Variants in NADSYN1 observed in about 807,000 individuals in gnomAD.
The protein encoded by NADSYN1 is glutamine-dependent NAD(+) synthetase.
In NADSYN1, 80 loss-of-function variants were observed where a neutral mutation model predicts 99.3. The ratio of observed to expected loss-of-function variants is 0.81; its 90% confidence interval spans 0.67 to 0.97. NADSYN1 has a LOEUF of 0.97. Ranked by LOEUF, NADSYN1 falls within the 50% of genes least tolerant of loss-of-function variation. The probability of loss-of-function intolerance (pLI) is 0.00; values close to 1 mark genes in which losing one functional copy is unlikely to be tolerated. For missense variants in NADSYN1, 859 were observed against 948.5 expected (o/e 0.91, Z 1.24); for synonymous variants, 385 against 372.1 (o/e 1.03, Z -0.40).
In NADSYN1 at chr11:71,472,493, C is replaced by G; in HGVS notation, c.452C>G (p.Thr151Arg). ...YFLPRMIQDL[T>R]KQETVPFGDA... is the part of the protein sequence containing the mutation. Reference sequence around the variant, plus strand: ...CTGCCTCGGATGATACAGGACCTGACAAAGCAGGTGAGTCCCTGGGTGTGG... The same window carrying G: ...CTGCCTCGGATGATACAGGACCTGAGAAAGCAGGTGAGTCCCTGGGTGTGG... Residue 151 changes from threonine (T) to arginine (R), a missense_variant, in exon 6 of 21, where the codon ACA becomes AGA. Physicochemically the swap from Thr to Arg is moderately conservative, Grantham distance 71. Transcript: ENST00000319023. The G allele has an allele frequency of 6.2e-7, 1 of 1,613,640 alleles. No individual in the cohort carries two copies. The highest frequency in any genetic ancestry group is 8.5e-7 in the Non-Finnish European group (1 of 1,179,536).
intron 10 of NADSYN1, 67 bp from the exon 11 acceptor site, chr11:71,480,672 AGTCCTGCTTGTCTGTC>A: frequency 1.3e-6 from 2 of 1,594,732 alleles, no homozygotes; most frequent in Non-Finnish European, 1.7e-6. Context: ...TGGCTGATGG[AGTCCTGCTTGTCTGTC>A]GGTCCTGGGG....
In NADSYN1 at chr11:71,491,831, C is replaced by T. The variant is rs1208647093; in HGVS notation, c.1695-3C>T. 1.2e-6 allele frequency: 2 copies of T among 1,613,886 alleles called. No homozygotes were observed. Among genetic ancestry groups the T allele is most frequent in the South Asian group, 1.1e-5 (1 of 91,070 alleles). On this transcript the variant is annotated splice_region_variant and splice_polypyrimidine_tract_variant and intron_variant, in intron 17 of 20. Transcript: ENST00000319023. ...GACCGACCTCTGTGTGTTTTGGCTGCAGCATCCTGTTGGCGCCGGCCACCG... is the reference window on the plus strand; with the variant it reads ...GACCGACCTCTGTGTGTTTTGGCTGTAGCATCCTGTTGGCGCCGGCCACCG...
In NADSYN1 at chr11:71,463,446, G is replaced by A. The variant is rs763061270; in HGVS notation, c.278G>A (p.Arg93Gln). The A allele has an allele frequency of 1.8e-5, 29 of 1,614,030 alleles. No individual in the cohort carries two copies. Among genetic ancestry groups the A allele is most frequent in the Middle Eastern group, 3.3e-4 (2 of 6,062 alleles). ...CTCTCCTGCAGGCCTGTAATGCACC[G>A]AAACGTCCGCTACAACTGCAGAGTG... ...ICDVGMPVMHRNVRYNCRVIF... is the reference protein window; with the variant it reads ...ICDVGMPVMHQNVRYNCRVIF... Residue 93 changes from arginine (R) to glutamine (Q), a missense_variant, in exon 4 of 21, where the codon CGA becomes CAA. Coordinates refer to ENST00000319023, the MANE Select transcript of NADSYN1 (RefSeq NM_018161.5).
rs755075213 is a variant in NADSYN1 at position 71,498,369 on chromosome 11, G to T, written c.1911G>T (p.Lys637Asn). Residue 637 changes from lysine (K) to asparagine (N), a missense_variant, in exon 20 of 21, where the codon AAG becomes AAT. Transcript: ENST00000319023. Reference protein sequence around the residue: ...CTPRQVADKVKRFFSKYSMNR... With the variant: ...CTPRQVADKVNRFFSKYSMNR... ...CCCACCAGGTCGCTGACAAAGTGAAGCGGTTTTTCTCCAAGTACTCCATGA... is the reference window on the plus strand; with the variant it reads ...CCCACCAGGTCGCTGACAAAGTGAATCGGTTTTTCTCCAAGTACTCCATGA... 6 of 1,614,082 alleles carry T rather than the reference G, an allele frequency of 3.7e-6. No individual in the cohort carries two copies. The East Asian group carries it at 1.1e-4, about 30-fold the overall frequency.
intron 3 of NADSYN1, among the ~76,000 whole-genome samples, chr11:71,461,388 A>AAG (rs373624613): frequency 6.6e-6 from 1 of 152,180 alleles, no homozygotes; most frequent in African/African-American, 2.4e-5. Flanking sequence ...GAACAGGAGC[A>AAG]AGAGAGAGAG....
At chr11:71,471,919 T>C (rs1949629848) in intron 5 of NADSYN1, among the ~76,000 whole-genome samples, 3 of 152,170 alleles carry the variant, frequency 2.0e-5, no homozygotes, top group Non-Finnish European at 4.4e-5. Context: ...ATGCGTGAAC[T>C]GTCTGTTTTG....
intron 3 of NADSYN1, among the ~76,000 whole-genome samples, chr11:71,461,617 T>C (rs1004573986): frequency 3.3e-5 from 5 of 152,006 alleles, no homozygotes; most frequent in African/African-American, 1.2e-4. Flanking sequence ...TTAGTAGAGA[T>C]GGGGTTTCAT....
chr11:71,457,621 CG>C (rs1949522245), intron 2 of NADSYN1, among the ~76,000 whole-genome samples: 1 of 152,188 alleles, frequency 6.6e-6, no homozygotes, highest in Non-Finnish European at 1.5e-5. Context: ...TTCAGGAAGC[CG>C]GAAGTCCAAA....
At chr11:71,492,122 G>T (rs1052298997) in intron 18 of NADSYN1, among the ~76,000 whole-genome samples, 4 of 152,188 alleles carry the variant, frequency 2.6e-5, no homozygotes, top group Admixed American at 6.5e-5. Flanking sequence ...AGGATGACAT[G>T]GTGGGAGGGG....
chr11:71,475,801 G>A (rs540191253), intron 9 of NADSYN1, among the ~76,000 whole-genome samples: 2 of 152,164 alleles, frequency 1.3e-5, no homozygotes, highest in East Asian at 1.9e-4. Context: ...TGCAACCTCC[G>A]CCCCATGTTA....
At chr11:71,455,400 G>A in intron 2 of NADSYN1, 1 of 469,454 alleles carries the variant, frequency 2.1e-6, no homozygotes, top group South Asian at 4.2e-5. Flanking sequence ...ACTTTTACCA[G>A]ATGAAGGCCA....
intron 5 of NADSYN1, among the ~76,000 whole-genome samples, chr11:71,471,042 T>G: frequency 6.6e-6 from 1 of 152,208 alleles, no homozygotes; most frequent in East Asian, 1.9e-4. Flanking sequence ...TCTCCTGTCA[T>G]TTATTTGTGC....
intron 9 of NADSYN1, 61 bp downstream of exon 9, chr11:71,474,587 G>T: frequency 1.2e-6 from 2 of 1,607,870 alleles, no homozygotes; most frequent in Non-Finnish European, 1.7e-6. Flanking sequence ...CGAGCTCCTG[G>T]CTCTCCCCTG....
chr11:71,470,923 C>T (rs1949622445), intron 5 of NADSYN1, among the ~76,000 whole-genome samples: 2 of 152,124 alleles, frequency 1.3e-5, no homozygotes, highest in Admixed American at 1.3e-4. Flanking sequence ...GTTTCATTCC[C>T]CTGAATTTGT....
intron 16 of NADSYN1, among the ~76,000 whole-genome samples, chr11:71,486,929 C>T (rs1198391225): frequency 6.6e-6 from 1 of 151,522 alleles, no homozygotes; most frequent in Non-Finnish European, 1.5e-5. Flanking sequence ...CCTCAGCCTC[C>T]CGAGTAGCTG....
At chr11:71,479,911 G>A (rs1193873567) in intron 10 of NADSYN1, 1 of 152,224 alleles carries the variant, frequency 6.6e-6, no homozygotes, top group Non-Finnish European at 1.5e-5. Flanking sequence ...ACAGACACAG[G>A]GAGTGGCTGT....
rs2282621 is a variant in NADSYN1, at chr11:71,472,428, C to T, written c.408-21C>T. The T allele has an allele frequency of 0.68, 1,077,209 of 1,586,398 alleles. 390,702 individuals carry two copies. The highest frequency in any genetic ancestry group is 0.77 in the Non-Finnish European group (887,055 of 1,154,538). On this transcript the variant is annotated intron_variant, in intron 5 of 20. Coordinates refer to ENST00000319023, the MANE Select transcript of NADSYN1 (RefSeq NM_018161.5). ...TGTCCTGAGATGCTCATCCTCAGCT[C>T]CTCGGTGTTTTCCTCTCCAGGCACA...
intron 3 of NADSYN1, chr11:71,460,829 G>T (rs1016488565): frequency 3.3e-5 from 5 of 152,236 alleles, no homozygotes; most frequent in Non-Finnish European, 1.5e-5. Context: ...AAGGAAGAGG[G>T]TGCTGAGTTG....
intron 18 of NADSYN1, among the ~76,000 whole-genome samples, chr11:71,494,058 A>G (rs1949803009): frequency 6.6e-6 from 1 of 152,218 alleles, no homozygotes; most frequent in Non-Finnish European, 1.5e-5. Flanking sequence ...TTATTATTGA[A>G]GGAAGAAAAA....
Sources: allele counts gnomAD v4.1 joint callset (sites outside exome capture counted in the v4.1 genomes callset), GRCh38; gene constraint gnomAD v4.1.1; transcripts MANE v1.5; gene names NCBI Gene and HGNC (gene_info 2026-07-23, HGNC 2026-07-21).